Variants in COL6A2 observed in about 807,000 individuals in gnomAD.
The protein encoded by COL6A2 is collagen type VI alpha 2 chain.
A neutral mutation model predicts 124.9 loss-of-function variants in COL6A2; 90 were observed. That is an observed-to-expected ratio of 0.72 (90% CI 0.61 to 0.86). The LOEUF is 0.86. COL6A2 is among the 40% of genes least tolerant of loss of function. The probability of loss-of-function intolerance (pLI) is 0.00; values close to 1 mark genes in which losing one functional copy is unlikely to be tolerated. For missense variants in COL6A2, 1,607 were observed against 1,502.5 expected (o/e 1.07, Z -1.15); for synonymous variants, 793 against 618.2 (o/e 1.28, Z -4.19).
At chr21:46,113,661 G>C in intron 4 of COL6A2, 1 of 400,056 alleles carries the variant, frequency 2.5e-6, no homozygotes. Context: ...CTGGCCTCAA[G>C]CAGTCCTCCC....
At chr21:46,113,735 TA>T (rs1280853178) in intron 4 of COL6A2, 1 of 542,774 alleles carries the variant, frequency 1.8e-6, no homozygotes, top group African/African-American at 1.9e-5. Flanking sequence ...TCTTCCCTTC[TA>T]TTTTCTGTCA....
At position 46,125,278 on chromosome 21, in the gene COL6A2, A is replaced by G. The variant is rs1601247851; in HGVS notation, c.1783A>G (p.Met595Val). 5 of 1,612,218 alleles carry G rather than the reference A, an allele frequency of 3.1e-6. No homozygotes were observed. The highest frequency in any genetic ancestry group is 1.3e-5 in the African/African-American group (1 of 75,042). The change falls in exon 24 of 28, where the codon ATG becomes GTG. Residue 595 changes from methionine to valine, a missense_variant. By Grantham distance (21) the Met-to-Val change is conservative. Transcript: ENST00000300527. ...GDPGLTECDV[M>V]TYVRETCGCC... ...GTGTGCATTGCAGGAGTGTGACGTC[A>G]TGACCTACGTGAGGGAGACCTGCGG...
intron 1 of COL6A2, among the ~76,000 whole-genome samples, chr21:46,104,217 A>T (rs2078315085): frequency 6.6e-6 from 1 of 152,176 alleles, no homozygotes; most frequent in Admixed American, 6.5e-5. Flanking sequence ...TTGGTGGTAG[A>T]TCTACTAGAC....
intron 1 of COL6A2, among the ~76,000 whole-genome samples, chr21:46,109,422 G>C (rs1007477665): frequency 6.6e-6 from 1 of 152,194 alleles, no homozygotes; most frequent in African/African-American, 2.4e-5. Flanking sequence ...GTTCCCCTCT[G>C]GTCCGTAGGA....
intron 27 of COL6A2, chr21:46,129,445 A>C: frequency 2.5e-6 from 4 of 1,604,476 alleles, no homozygotes; most frequent in Non-Finnish European, 3.4e-6. Context: ...AAGCTGGTGC[A>C]CAGGGACATC....
intron 1 of COL6A2, among the ~76,000 whole-genome samples, chr21:46,110,375 A>C (rs1010687): frequency 0.84 from 128,174 of 152,202 alleles, 54,085 homozygotes; most frequent in East Asian, 0.89. Context: ...CAGGTTATGC[A>C]ACATTTAAAA....
At chr21:46,118,532 TG>T in intron 12 of COL6A2, 81 bp from the exon 13 acceptor site, 1 of 1,360,904 alleles carries the variant, frequency 7.3e-7, no homozygotes, top group Non-Finnish European at 1.0e-6. Context: ...AGCCCGACCG[TG>T]GGTCCTGCCC....
rs376091611 is a variant in COL6A2 at position 46,132,564 on chromosome 21, G to A, written c.*12G>A. The A allele has an allele frequency of 6.4e-5, 102 of 1,583,194 alleles. No individual in the cohort carries two copies. The highest frequency in any genetic ancestry group is 5.4e-4 in the African/African-American group (40 of 74,594). On this transcript the variant is annotated 3_prime_UTR_variant, in exon 28 of 28. Transcript: ENST00000300527. ...GCTGGATCTGCTAGCGCCGCCGCCCGGGCCCCGCAGTCGAGGGTCGTGAGC... is the reference window on the plus strand; with the variant it reads ...GCTGGATCTGCTAGCGCCGCCGCCCAGGCCCCGCAGTCGAGGGTCGTGAGC...
At chr21:46,120,150 A>G (rs867883222) in intron 15 of COL6A2, among the ~76,000 whole-genome samples, 14 of 60,274 alleles carry the variant, frequency 2.3e-4, no homozygotes, top group Admixed American at 5.9e-4. Context: ...TCTTACCCCC[A>G]GCCCACTGAG....
At chr21:46,123,878 G>A (rs62213984) in intron 21 of COL6A2, among the ~76,000 whole-genome samples, 72,120 of 129,614 alleles carry the variant, frequency 0.56, 18,799 homozygotes, top group Admixed American at 0.62. Context: ...CAGATGGATG[G>A]ATGGGTGAGT....
rs2078668514 is a variant in COL6A2, at chr21:46,126,398, G to A, written c.2423-105G>A. Reference sequence around the variant, plus strand: ...CGGGCCCTCTCGGGGCTGCAGGGCAGAGGCCAGCTGCACCCTGAGCCTGTC... The same window carrying A: ...CGGGCCCTCTCGGGGCTGCAGGGCAAAGGCCAGCTGCACCCTGAGCCTGTC... On this transcript the variant is annotated intron_variant, in intron 26 of 27. Coordinates refer to ENST00000300527, the MANE Select transcript of COL6A2 (RefSeq NM_001849.4). 2.6e-6 allele frequency: 4 copies of A among 1,550,184 alleles called. No individual in the cohort carries two copies. The East Asian group carries it at 6.7e-5, about 26-fold the overall frequency.
chr21:46,111,088 C>A (rs2078391890), intron 1 of COL6A2, among the ~76,000 whole-genome samples: 1 of 152,204 alleles, frequency 6.6e-6, no homozygotes, highest in Non-Finnish European at 1.5e-5. Context: ...TCCAGGGCAG[C>A]CCCAGGCAGT....
chr21:46,127,922 C>T (rs929456883), intron 27 of COL6A2, among the ~76,000 whole-genome samples: 11 of 152,206 alleles, frequency 7.2e-5, no homozygotes, highest in African/African-American at 2.2e-4. Context: ...GCCAGCCCTG[C>T]GTGCCCGGGA....
At chr21:46,104,539 T>G (rs1426473500) in intron 1 of COL6A2, among the ~76,000 whole-genome samples, 6 of 152,132 alleles carry the variant, frequency 3.9e-5, no homozygotes, top group Admixed American at 3.9e-4. Flanking sequence ...AAGGGGTCTG[T>G]GGGATACCAT....
rs143607256 is a variant in COL6A2, at chr21:46,128,568, TCA to T, written c.2461+2028_2461+2029del. 6.4e-3 allele frequency among the ~76,000 whole-genome samples: 977 copies of T among 152,288 alleles called. 10 individuals carry two copies. The highest frequency in any genetic ancestry group is 0.022 in the African/African-American group (933 of 41,558). On this transcript the variant is annotated intron_variant, in intron 27 of 27. Transcript: ENST00000300527. The stretch of plus-strand genomic sequence containing the variant: ...GGCCTGCAGCAGGCCTGTGGAGTTC[TCA>T]GTTGCGTGGGGACCAGAGGGTGCTG...
chr21:46,132,840 T>TA lies in COL6A2; in HGVS notation c.*288_*289insA. 8 of 515,230 alleles carry TA rather than the reference T, an allele frequency of 1.6e-5. No individual in the cohort carries two copies. In the South Asian group the frequency reaches 1.8e-4, roughly 11 times the overall value. 31.9% of individuals were successfully genotyped at this position (515,230 alleles called of 1,614,324 possible). ...AGCAAGCCCTGACCCAATAAAGGCT[T>TA]TGAACCCATTGCGTGCCTGCTTGCG... On this transcript the variant is annotated 3_prime_UTR_variant, in exon 28 of 28. Coordinates refer to ENST00000300527, the MANE Select transcript of COL6A2 (RefSeq NM_001849.4).
At chr21:46,105,386 A>AAAAT (rs1051246315) in intron 1 of COL6A2, among the ~76,000 whole-genome samples, 63 of 152,228 alleles carry the variant, frequency 4.1e-4, no homozygotes, top group African/African-American at 1.5e-3. Context: ...ACCTTATCTC[A>AAAAT]AAATAAATAA....
At chr21:46,117,977 A>G (rs1438636863) in intron 12 of COL6A2, 41 bp downstream of exon 12, 2 of 1,584,796 alleles carry the variant, frequency 1.3e-6, no homozygotes, top group African/African-American at 1.3e-5. Flanking sequence ...CGGGGTCACC[A>G]GCTTCCAGGG....
rs751366581 is a variant in COL6A2 at position 46,124,933 on chromosome 21, T to TG, written c.1770+17dup. On this transcript the variant is annotated intron_variant, in intron 23 of 27. Coordinates refer to ENST00000300527, the MANE Select transcript of COL6A2 (RefSeq NM_001849.4). ...CCCCGGTCTCACGGTAGGTGTCACA[T>TG]GGGGCAGAACCAGTGTCCTTCTCCT... is the stretch of plus-strand genomic sequence containing the variant. The TG allele has an allele frequency of 6.2e-7, 1 of 1,612,722 alleles. No individual in the cohort carries two copies. Among genetic ancestry groups the TG allele is most frequent in the African/African-American group, 1.3e-5 (1 of 75,020 alleles).
Sources: gnomAD v4.1 joint callset for allele counts (sites outside exome capture counted in the v4.1 genomes callset) on GRCh38, gnomAD v4.1.1 for gene constraint, MANE v1.5 for transcripts, NCBI Gene and HGNC (gene_info 2026-07-23, HGNC 2026-07-21) for gene names.